Variants in MGST1 observed in about 807,000 individuals in gnomAD.
MGST1 encodes glutathione S-transferase 12.
A neutral mutation model predicts 8.9 loss-of-function variants in MGST1; 5 were observed. The ratio of observed to expected loss-of-function variants is 0.56; its 90% CI spans 0.29 to 1.19. The LOEUF (loss-of-function observed/expected upper bound fraction) is 1.19. MGST1 is among the 50% of genes most tolerant of loss of function. MGST1 has a pLI of 0.08. For synonymous variants in MGST1, 54 were observed against 67.8 expected (o/e 0.80, Z 1.00); for missense variants, 182 against 187.4 (o/e 0.97, Z 0.17).
intron 3 of MGST1, among the ~76,000 whole-genome samples, chr12:16,359,721 G>A (rs764439306): frequency 1.3e-5 from 2 of 152,180 alleles, no homozygotes; most frequent in Admixed American, 6.5e-5. Flanking sequence ...GCAGGCAGCC[G>A]CCTGCATGAT....
chr12:16,505,788 A>G (rs1941534540), intron 4 of MGST1, among the ~76,000 whole-genome samples: 1 of 152,158 alleles, frequency 6.6e-6, no homozygotes, highest in African/African-American at 2.4e-5. Context: ...ATTTGTTGAC[A>G]CCTTATTGCT....
chr12:16,483,949 A>G (rs1254488955), intron 4 of MGST1, among the ~76,000 whole-genome samples: 1 of 152,244 alleles, frequency 6.6e-6, no homozygotes, highest in Non-Finnish European at 1.5e-5. Flanking sequence ...TATTCTAGGC[A>G]TAAAACAAAT....
At chr12:16,447,275 G>T (rs1256035644) in intron 4 of MGST1, among the ~76,000 whole-genome samples, 1 of 151,860 alleles carries the variant, frequency 6.6e-6, no homozygotes, top group African/African-American at 2.4e-5. Flanking sequence ...ATCCAAATAT[G>T]CTGGCTAATC....
At chr12:16,424,551 G>A (rs1239381687) in intron 1 of MGST1, among the ~76,000 whole-genome samples, 1 of 152,138 alleles carries the variant, frequency 6.6e-6, no homozygotes, top group African/African-American at 2.4e-5. Flanking sequence ...ATTGAAATCT[G>A]TGCTGTTACT....
chr12:16,451,533 A>G (rs1449738892), intron 4 of MGST1, among the ~76,000 whole-genome samples: 3 of 151,872 alleles, frequency 2.0e-5, no homozygotes, highest in Non-Finnish European at 4.4e-5. Flanking sequence ...AAGTTTCTTG[A>G]AAGATTTTAT....
chr12:16,470,906 A>G (rs2094150521), intron 4 of MGST1, among the ~76,000 whole-genome samples: 1 of 152,168 alleles, frequency 6.6e-6, no homozygotes, highest in South Asian at 2.1e-4. Flanking sequence ...ACCTCCCTTT[A>G]TTTGAGGGTA....
chr12:16,474,737 T>A lies in MGST1; in HGVS notation n.482+91133T>A, dbSNP rs145141080. ...TGAGGTCATTTTTGAACGAGAGCAA[T>A]AACAGTAATATTGATAATAAAATCC... On this transcript the variant is annotated intron_variant and non_coding_transcript_variant, in intron 4 of 4. Transcript: ENST00000538857. Among the ~76,000 whole-genome samples, 81 of 152,244 alleles carry A rather than the reference T, an allele frequency of 5.3e-4. No homozygotes were observed. In the Middle Eastern group the frequency reaches 0.014, roughly 26 times the overall value.
At chr12:16,520,055 C>G (rs1372380696) in intron 4 of MGST1, among the ~76,000 whole-genome samples, 3 of 152,074 alleles carry the variant, frequency 2.0e-5, no homozygotes, top group African/African-American at 7.2e-5. Context: ...CATTTAGGAC[C>G]AGTTGTGGCT....
intron 3 of MGST1, among the ~76,000 whole-genome samples, chr12:16,371,392 G>T (rs1398977173): frequency 6.6e-6 from 1 of 152,108 alleles, no homozygotes; most frequent in Non-Finnish European, 1.5e-5. Flanking sequence ...GAAAAAGTTT[G>T]CATTCCAAAG....
Position 16,576,168 on chromosome 12 carries a change from C to T in MGST1, n.483-13360C>T, listed in dbSNP as rs1942990269. On this transcript the variant is annotated intron_variant and non_coding_transcript_variant, in intron 4 of 4. Transcript: ENST00000538857. This position sits in a 1 kb window ranked among gnomAD's most constrained non-coding sequence, Gnocchi z 4.1. ...CCTGCCCTGCTGTCCGCCTTCCACTCTGCAGCCGGTAGCCTTTCTATAACA... is the reference window on the plus strand; with the variant it reads ...CCTGCCCTGCTGTCCGCCTTCCACTTTGCAGCCGGTAGCCTTTCTATAACA... Among the ~76,000 whole-genome samples the T allele has an allele frequency of 6.6e-6, 1 of 152,204 alleles. No individual in the cohort carries two copies. The highest frequency in any genetic ancestry group is 6.5e-5 in the Admixed American group (1 of 15,276).
At chr12:16,364,556 TCTG>T (rs1940149727), downstream of MGST1, 2 of 263,704 alleles carry the variant, frequency 7.6e-6, no homozygotes, top group Admixed American at 6.5e-5. This position sits in a 1 kb window ranked among gnomAD's most constrained non-coding sequence, Gnocchi z 5.7. Flanking sequence ...TCCTTCTCTC[TCTG>T]TTTTCTTTTT....
In MGST1 at chr12:16,533,575, G is replaced by T. The variant is rs184962750; in HGVS notation, n.483-55953G>T. 2.0e-3 allele frequency among the ~76,000 whole-genome samples: 299 copies of T among 152,152 alleles called. 4 individuals are homozygous for T. Among genetic ancestry groups the T allele is most frequent in the Admixed American group, 0.017 (254 of 15,286 alleles). ...AGTTCAGTCATAAATTACTTATCTG[G>T]AGATTCCAGGATTGTGTTAATATTC... On this transcript the variant is annotated intron_variant and non_coding_transcript_variant, in intron 4 of 4. Transcript: ENST00000538857.
In MGST1 at chr12:16,401,220, C is replaced by T. The variant is rs1314411679; in HGVS notation, n.778+17616C>T. On this transcript the variant is annotated intron_variant and non_coding_transcript_variant, in intron 1 of 1. Transcript: ENST00000359720. The surrounding 1 kb of genome is among the most constrained non-coding windows in gnomAD (Gnocchi z 4.3). ...CCATAAGCACTGTGTCACTAAGGAA[C>T]AGGGCATAGGTTTTCTCTTCTGGCT... 1 of 1,567,856 alleles carries T rather than the reference C, an allele frequency of 6.4e-7. No individual in the cohort carries two copies. Among genetic ancestry groups the T allele is most frequent in the East Asian group, 2.2e-5 (1 of 44,574 alleles).
intron 1 of MGST1, among the ~76,000 whole-genome samples, chr12:16,388,340 T>G (rs1261333317): frequency 6.6e-6 from 1 of 152,040 alleles, no homozygotes; most frequent in East Asian, 2.0e-4. Flanking sequence ...GATTGGAAGT[T>G]GCTGTGGGTG....
chr12:16,400,536 AC>A (rs1940645764), intron 1 of MGST1: 1 of 857,860 alleles, frequency 1.2e-6, no homozygotes, highest in East Asian at 2.4e-5. Context: ...AAGTTTTATA[AC>A]GTTTCTGTAC....
chr12:16,540,379 C>A lies in MGST1; in HGVS notation n.483-49149C>A, dbSNP rs371638124. The stretch of plus-strand genomic sequence containing the variant: ...CCTTTACCTCCTGGGCTTAAGCGAT[C>A]CTCTCACTTCAGCTTTCCGAGTAGC... On this transcript the variant is annotated intron_variant and non_coding_transcript_variant, in intron 4 of 4. Coordinates refer to the MGST1 transcript ENST00000538857. Among the ~76,000 whole-genome samples, 98 of 152,242 alleles carry A rather than the reference C, an allele frequency of 6.4e-4. 1 individual carries two copies. The highest frequency in any genetic ancestry group is 2.2e-3 in the African/African-American group (90 of 41,554).
intron 4 of MGST1, among the ~76,000 whole-genome samples, chr12:16,508,944 A>G (rs1229678036): frequency 3.3e-5 from 5 of 152,158 alleles, no homozygotes; most frequent in African/African-American, 4.8e-5. Context: ...TTTTGGACTT[A>G]CAGTACCCTT....
intron 4 of MGST1, among the ~76,000 whole-genome samples, chr12:16,535,024 C>T (rs1941746626): frequency 6.6e-6 from 1 of 152,198 alleles, no homozygotes; most frequent in East Asian, 1.9e-4. Flanking sequence ...CAGCTCATGA[C>T]ACTGAGTGCA....
At chr12:16,457,226 A>G (rs147921265) in intron 4 of MGST1, among the ~76,000 whole-genome samples, 11 of 152,070 alleles carry the variant, frequency 7.2e-5, no homozygotes, top group East Asian at 5.8e-4. Flanking sequence ...AATTACTCCA[A>G]TTACAGTCCT....
Sources: allele counts gnomAD v4.1 joint callset (sites outside exome capture counted in the v4.1 genomes callset), GRCh38; gene constraint gnomAD v4.1.1; non-coding constraint Gnocchi (gnomAD v3.1); transcripts MANE v1.5; gene names NCBI Gene and HGNC (gene_info 2026-07-23, HGNC 2026-07-21).